Variants in HOOK3 observed in about 807,000 individuals in gnomAD.
The protein encoded by HOOK3 is protein Hook homolog 3.
In HOOK3, 24 loss-of-function variants were observed where a neutral mutation model predicts 116.3. That is an observed-to-expected ratio of 0.21 (90% CI 0.15 to 0.29). The LOEUF is 0.29. Among genes scored for constraint, HOOK3 ranks in the 10% least tolerant of loss-of-function variants. The pLI is 1.00. For synonymous variants in HOOK3, 275 were observed against 283.0 expected (o/e 0.97, Z 0.28); for missense variants, 632 against 830.2 (o/e 0.76, Z 2.93).
intron 14 of HOOK3, among the ~76,000 whole-genome samples, chr8:42,986,035 C>T (rs1809043902): frequency 6.6e-6 from 1 of 152,144 alleles, no homozygotes; most frequent in African/African-American, 2.4e-5. Context: ...ATATCTTCAA[C>T]AAGTATGTCT....
intron 3 of HOOK3, among the ~76,000 whole-genome samples, chr8:42,929,871 G>A (rs1352931505): frequency 2.0e-5 from 3 of 152,054 alleles, no homozygotes; most frequent in African/African-American, 4.8e-5. Flanking sequence ...TTACCCTCCA[G>A]TTGTTTTCAG....
In HOOK3 at chr8:43,002,310, G is replaced by A. The variant is rs113162573; in HGVS notation, c.1655+169G>A. Among the ~76,000 whole-genome samples the A allele has an allele frequency of 9.0e-3, 1,364 of 152,274 alleles. 8 individuals carry two copies. The highest frequency in any genetic ancestry group is 0.016 in the African/African-American group (660 of 41,558). ...GGTCACTTCTCCCCAAGGTTCTCAGGTCAGAATGATGACTGCTTTAGAACT... is the reference window on the plus strand; with the variant it reads ...GGTCACTTCTCCCCAAGGTTCTCAGATCAGAATGATGACTGCTTTAGAACT... On this transcript the variant is annotated intron_variant, in intron 17 of 21. Transcript: ENST00000307602.
At position 42,932,497 on chromosome 8, in the gene HOOK3, G is replaced by A. The variant is rs555315589; in HGVS notation, c.267+2325G>A. The stretch of plus-strand genomic sequence containing the variant: ...AGAGGAAATCCGAGCCATTATCCTC[G>A]TCTCATACATGAGAAGCCAAGGCTC... On this transcript the variant is annotated intron_variant, in intron 4 of 21. Transcript: ENST00000307602. 3.3e-5 allele frequency among the ~76,000 whole-genome samples: 5 copies of A among 152,230 alleles called. No individual in the cohort carries two copies. In the East Asian group the frequency reaches 5.8e-4, roughly 18 times the overall value.
intron 9 of HOOK3, 32 bp downstream of exon 9, chr8:42,964,506 A>G (rs1808595442): frequency 6.3e-7 from 1 of 1,599,714 alleles, no homozygotes; most frequent in Non-Finnish European, 8.5e-7. Context: ...TCTGATTTTT[A>G]AAAATTTGTT....
chr8:42,938,870 G>A (rs563667230), intron 4 of HOOK3, among the ~76,000 whole-genome samples: 6 of 152,144 alleles, frequency 3.9e-5, no homozygotes, highest in East Asian at 1.9e-4. Flanking sequence ...GCTGCATTCC[G>A]CAGTGTTTGT....
chr8:42,957,188 A>G (rs1322573556), intron 7 of HOOK3, 32 bp downstream of exon 7: 2 of 1,328,424 alleles, frequency 1.5e-6, no homozygotes, highest in South Asian at 2.7e-5. Context: ...TTATTCATGA[A>G]AAGGTTGAAA....
At chr8:43,005,818 C>T (rs1158365881) in intron 17 of HOOK3, among the ~76,000 whole-genome samples, 1 of 146,910 alleles carries the variant, frequency 6.8e-6, no homozygotes, top group Non-Finnish European at 1.5e-5. Context: ...GCCTTGGCCT[C>T]CCAAGTAGCT....
chr8:42,959,847 T>C (rs1240184703), intron 8 of HOOK3, among the ~76,000 whole-genome samples: 1 of 151,102 alleles, frequency 6.6e-6, no homozygotes, highest in Admixed American at 6.6e-5. Flanking sequence ...GAGGGGGACA[T>C]ACATGGGAGA....
chr8:42,916,109 C>T (rs1807527946), intron 2 of HOOK3, among the ~76,000 whole-genome samples: 1 of 152,300 alleles, frequency 6.6e-6, no homozygotes, highest in Non-Finnish European at 1.5e-5. Flanking sequence ...ATGTTCCCTT[C>T]CCACTCTCCT....
At chr8:42,968,480 C>T (rs1808671961) in intron 11 of HOOK3, among the ~76,000 whole-genome samples, 1 of 152,098 alleles carries the variant, frequency 6.6e-6, no homozygotes, top group African/African-American at 2.4e-5. Flanking sequence ...CAGACGCATG[C>T]TGCCACACCT....
At chr8:42,934,062 CATTT>C (rs549409355) in intron 4 of HOOK3, among the ~76,000 whole-genome samples, 26 of 151,794 alleles carry the variant, frequency 1.7e-4, no homozygotes, top group Non-Finnish European at 2.4e-4. Flanking sequence ...TATTTTATCT[CATTT>C]ATTTATTTAT....
At position 43,025,188 on chromosome 8, in the gene HOOK3, A is replaced by G. The variant is rs1809911218; in HGVS notation, c.*6690A>G. The G allele has an allele frequency of 4.9e-6, 1 of 205,788 alleles. No homozygotes were observed. The highest frequency in any genetic ancestry group is 9.9e-6 in the Non-Finnish European group (1 of 100,664). 12.7% of individuals were successfully genotyped at this position (205,788 alleles called of 1,614,324 possible). A position where few individuals can be genotyped will look rare whatever the true frequency, so the allele number is the denominator to read the frequency against. On this transcript the variant is annotated 3_prime_UTR_variant, in exon 22 of 22. Coordinates refer to ENST00000307602, the MANE Select transcript of HOOK3 (RefSeq NM_032410.4). ...GGGGGGTTATAAATGTTTTCCTATG[A>G]TAGATAAATATATAGATATAGATCA...
chr8:42,922,557 T>G (rs1807677238), intron 2 of HOOK3, among the ~76,000 whole-genome samples: 1 of 146,616 alleles, frequency 6.8e-6, no homozygotes, highest in Non-Finnish European at 1.5e-5. Flanking sequence ...AACCTGTCTC[T>G]TAAAAAAAAA....
At chr8:42,904,403 G>A (rs982670358) in intron 1 of HOOK3, among the ~76,000 whole-genome samples, 2 of 148,118 alleles carry the variant, frequency 1.4e-5, no homozygotes, top group South Asian at 2.2e-4. Context: ...TCCGCCTCCC[G>A]GGTTCAAGCG....
chr8:43,007,490 A>T (rs971906420), intron 17 of HOOK3, among the ~76,000 whole-genome samples: 2 of 152,060 alleles, frequency 1.3e-5, no homozygotes, highest in Admixed American at 1.3e-4. Context: ...TTTTTTATTG[A>T]TAGGTAGTGT....
chr8:42,943,216 G>T, intron 4 of HOOK3, 97 bp from the exon 5 acceptor site: 1 of 672,692 alleles, frequency 1.5e-6, no homozygotes, highest in Non-Finnish European at 2.2e-6. Context: ...TCTGTCCTTG[G>T]CAATGAGTTT....
chr8:42,923,573 T>G (rs959974258), intron 2 of HOOK3, among the ~76,000 whole-genome samples: 1 of 152,170 alleles, frequency 6.6e-6, no homozygotes, highest in South Asian at 2.1e-4. Context: ...AAAGACCACA[T>G]AGTATATGAT....
At chr8:42,950,240 T>C (rs1245494531) in intron 5 of HOOK3, 148 bp from the exon 6 acceptor site, 25 of 538,116 alleles carry the variant, frequency 4.6e-5, no homozygotes, top group Middle Eastern at 2.8e-4. Flanking sequence ...TTTCGGACTT[T>C]ACCAATACAT....
intron 17 of HOOK3, among the ~76,000 whole-genome samples, chr8:43,005,188 T>TCG (rs1202943386): frequency 2.2e-4 from 12 of 55,130 alleles, no homozygotes; most frequent in African/African-American, 6.8e-4. Flanking sequence ...GTGCTCTCTC[T>TCG]CTCTCTCTCT....
Sources: gnomAD v4.1 joint callset for allele counts (sites outside exome capture counted in the v4.1 genomes callset) on GRCh38, gnomAD v4.1.1 for gene constraint, MANE v1.5 for transcripts, NCBI Gene and HGNC (gene_info 2026-07-23, HGNC 2026-07-21) for gene names.